Variants in MUC7 observed in about 807,000 individuals in gnomAD.
MUC7 encodes the protein mucin-7.
A neutral mutation model predicts 2.5 loss-of-function variants in MUC7; 2 were observed. The observed-to-expected ratio is 0.81, with a 90% CI of 0.33 to 2.55. The LOEUF is 2.55. Ranked by LOEUF, MUC7 falls within the 30% of genes most tolerant of loss-of-function variation. The pLI is 0.11. For missense variants in MUC7, 408 were observed against 455.6 expected (o/e 0.90, Z 0.95); for synonymous variants, 133 against 173.4 (o/e 0.77, Z 1.83).
intron 1 of MUC7, among the ~76,000 whole-genome samples, chr4:70,431,340 C>T (rs1203398391): frequency 6.6e-6 from 1 of 151,960 alleles, no homozygotes; most frequent in Non-Finnish European, 1.5e-5. Flanking sequence ...TAGTGCTTAC[C>T]TTACACAAGA....
At chr4:70,455,029 A>T (rs1356560432) in intron 1 of MUC7, among the ~76,000 whole-genome samples, 1 of 152,080 alleles carries the variant, frequency 6.6e-6, no homozygotes, top group Non-Finnish European at 1.5e-5. Flanking sequence ...ATTTCCATTT[A>T]TATTTTATAT....
chr4:70,468,692 C>G (rs1292489356), upstream of MUC7, among the ~76,000 whole-genome samples: 1 of 152,168 alleles, frequency 6.6e-6, no homozygotes. Flanking sequence ...AGGAATACAA[C>G]TTACGAGGGA....
intron 1 of MUC7, among the ~76,000 whole-genome samples, chr4:70,461,468 C>A (rs1027323487): frequency 7.9e-5 from 12 of 152,152 alleles, no homozygotes; most frequent in African/African-American, 2.4e-4. Flanking sequence ...GGAATAATAT[C>A]TTTTGGGTAT....
At chr4:70,444,016 C>T (rs995398839) in intron 1 of MUC7, among the ~76,000 whole-genome samples, 4 of 152,162 alleles carry the variant, frequency 2.6e-5, no homozygotes, top group African/African-American at 9.7e-5. Flanking sequence ...CCAAACTGAC[C>T]CTCATTTATC....
chr4:70,439,610 C>A (rs902703028), intron 1 of MUC7, among the ~76,000 whole-genome samples: 13 of 151,924 alleles, frequency 8.6e-5, no homozygotes, highest in African/African-American at 3.1e-4. Context: ...TAATATTTAT[C>A]TTAAAGTGTT....
chr4:70,447,590 A>C (rs957211456), intron 1 of MUC7, among the ~76,000 whole-genome samples: 3 of 152,196 alleles, frequency 2.0e-5, no homozygotes, highest in African/African-American at 7.2e-5. Context: ...TAGACATGTC[A>C]GACACTATTT....
intron 1 of MUC7, among the ~76,000 whole-genome samples, chr4:70,438,358 G>C (rs1733914671): frequency 6.6e-6 from 1 of 152,132 alleles, no homozygotes. Context: ...CTTAAAGACT[G>C]TTGATGTTTG....
chr4:70,442,132 G>A (rs1224341209), intron 1 of MUC7, among the ~76,000 whole-genome samples: 1 of 152,156 alleles, frequency 6.6e-6, no homozygotes. Flanking sequence ...TTAAGCATGA[G>A]TTCATCTCCT....
intron 1 of MUC7, among the ~76,000 whole-genome samples, chr4:70,434,433 C>T (rs533828534): frequency 2.6e-5 from 4 of 152,260 alleles, no homozygotes; most frequent in Non-Finnish European, 5.9e-5. Context: ...CAACTTCTTC[C>T]TAGTGTACTC....
intron 1 of MUC7, among the ~76,000 whole-genome samples, chr4:70,456,218 A>G (rs1734406591): frequency 6.6e-6 from 1 of 152,178 alleles, no homozygotes; most frequent in Non-Finnish European, 1.5e-5. Context: ...AATTTTCTGG[A>G]GGCATTCAGA....
intron 2 of MUC7, among the ~76,000 whole-genome samples, chr4:70,478,192 G>A (rs1735061433): frequency 6.6e-6 from 1 of 152,034 alleles, no homozygotes; most frequent in Admixed American, 6.5e-5. Flanking sequence ...TATTATTTTG[G>A]TCACCTAAAG....
rs760594839 is a variant in MUC7, at chr4:70,482,024, T to G, written c.*146T>G. 5.7e-5 allele frequency: 58 copies of G among 1,026,084 alleles called. No homozygotes were observed. Among genetic ancestry groups the G allele is most frequent in the Non-Finnish European group, 6.9e-5 (50 of 723,522 alleles). The allele number at this position is 1,026,084 out of a possible 1,614,324, so 63.6% of individuals were successfully genotyped here. On this transcript the variant is annotated 3_prime_UTR_variant, in exon 3 of 3. Coordinates refer to ENST00000304887, the MANE Select transcript of MUC7 (RefSeq NM_152291.3). ...ATCATTAATCTTTCAATCTAATTAT[T>G]CACCACCACAAGACCTATTAACAAG... is the stretch of plus-strand genomic sequence containing the variant.
At chr4:70,444,841 C>A (rs1734088623) in intron 1 of MUC7, among the ~76,000 whole-genome samples, 1 of 152,104 alleles carries the variant, frequency 6.6e-6, no homozygotes, top group Non-Finnish European at 1.5e-5. Flanking sequence ...CACCTGAGGT[C>A]AGGAGTTCGA....
chr4:70,434,850 A>T (rs1255643704), intron 1 of MUC7, among the ~76,000 whole-genome samples: 4 of 152,114 alleles, frequency 2.6e-5, no homozygotes, highest in Non-Finnish European at 5.9e-5. Context: ...ATTTAGTGCT[A>T]TAAATTTCCC....
intron 1 of MUC7, among the ~76,000 whole-genome samples, chr4:70,442,703 C>A (rs1197998950): frequency 6.6e-6 from 1 of 152,194 alleles, no homozygotes; most frequent in Non-Finnish European, 1.5e-5. Context: ...CTTCAAGACC[C>A]AGATGAGGGA....
chr4:70,457,030 AG>A (rs33921609), intron 1 of MUC7, among the ~76,000 whole-genome samples: 23,358 of 152,220 alleles, frequency 0.15, 1,920 homozygotes, highest in Middle Eastern at 0.25. Context: ...CCAAATAATA[AG>A]ATGGAAGACA....
Position 70,458,951 on chromosome 4 carries a change from G to A in MUC7, c.-92-13264G>A, listed in dbSNP as rs546957694. Among the ~76,000 whole-genome samples the A allele has an allele frequency of 2.0e-5, 3 of 152,120 alleles. No homozygotes were observed. In the South Asian group the frequency reaches 6.2e-4, roughly 32 times the overall value. ...TAATAGAATAAGCAGGGAAATGTTC[G>A]ACTGATAAAAGTTATAGTCTATCTA... On this transcript the variant is annotated intron_variant, in intron 1 of 3. Transcript: ENST00000413702.
intron 1 of MUC7, among the ~76,000 whole-genome samples, chr4:70,466,750 T>A (rs1259813544): frequency 6.6e-6 from 1 of 152,156 alleles, no homozygotes; most frequent in Non-Finnish European, 1.5e-5. Flanking sequence ...GCATCCAGAT[T>A]CATAAAGCAA....
intron 1 of MUC7, among the ~76,000 whole-genome samples, chr4:70,439,330 A>C (rs1343270448): frequency 6.6e-6 from 1 of 152,168 alleles, no homozygotes; most frequent in Non-Finnish European, 1.5e-5. Flanking sequence ...TTCCTTTAGC[A>C]CCTTCTAAGT....
Sources: gnomAD v4.1 joint callset for allele counts (sites outside exome capture counted in the v4.1 genomes callset) on GRCh38, gnomAD v4.1.1 for gene constraint, MANE v1.5 for transcripts, NCBI Gene and HGNC (gene_info 2026-07-23, HGNC 2026-07-21) for gene names.